TMEM131: variants seen among roughly 807,000 people sequenced by gnomAD.
The protein encoded by TMEM131 is transmembrane protein 131, also known as 2610524E03Rik.
In TMEM131, 66 loss-of-function variants were observed where a neutral mutation model predicts 211.6. The observed-to-expected ratio is 0.31, with a 90% confidence interval of 0.26 to 0.38. The LOEUF (loss-of-function observed/expected upper bound fraction) is 0.38, where lower values mean the gene tolerates loss of function less well. Ranked by LOEUF, TMEM131 falls within the 10% of genes least tolerant of loss-of-function variation. The probability of loss-of-function intolerance (pLI) is 1.00; values close to 1 mark genes in which losing one functional copy is unlikely to be tolerated. For missense variants in TMEM131, 2,036 were observed against 2,299.3 expected, an observed-to-expected ratio of 0.89 and a Z score of 2.34; for synonymous variants, 844 against 841.3, an observed-to-expected ratio of 1.00 and a Z score of -0.06.
chr2:97,943,939 G>A (rs1433331451), intron 1 of TMEM131, among the ~76,000 whole-genome samples: 1 of 151,994 alleles, frequency 6.6e-6, no homozygotes, highest in African/African-American at 2.4e-5. Context: ...AAAATTAGCT[G>A]GGCATGGTGG....
At chr2:97,871,682 A>T (rs1293038605) in intron 4 of TMEM131, among the ~76,000 whole-genome samples, 1 of 152,160 alleles carries the variant, frequency 6.6e-6, no homozygotes, top group Non-Finnish European at 1.5e-5. Context: ...ACCAATCAAC[A>T]TTCCTCATTC....
chr2:97,802,236 A>G (rs1346889606), intron 24 of TMEM131, among the ~76,000 whole-genome samples, 192 bp downstream of exon 24: 1 of 152,198 alleles, frequency 6.6e-6, no homozygotes, highest in Non-Finnish European at 1.5e-5. Context: ...CTTGCCTTAT[A>G]TTGAAAGTTT....
chr2:97,833,343 GA>G, intron 11 of TMEM131, 21 bp downstream of exon 11: 5 of 1,077,848 alleles, frequency 4.6e-6, no homozygotes, highest in East Asian at 2.6e-5. Context: ...TAAATTAGGG[GA>G]AAAAAGAAGT....
At chr2:97,907,750 T>C (rs1676132223) in intron 3 of TMEM131, among the ~76,000 whole-genome samples, 1 of 152,072 alleles carries the variant, frequency 6.6e-6, no homozygotes, top group African/African-American at 2.4e-5. Flanking sequence ...AATAACTGGG[T>C]TCTTAAATCC....
At chr2:97,987,933 T>C (rs549521636) in intron 1 of TMEM131, among the ~76,000 whole-genome samples, 1 of 152,018 alleles carries the variant, frequency 6.6e-6, no homozygotes, top group African/African-American at 2.4e-5. Context: ...AATCCCAAAA[T>C]CCCAAGGCAA....
chr2:97,963,808 C>T (rs1678924056), intron 1 of TMEM131, among the ~76,000 whole-genome samples: 1 of 152,144 alleles, frequency 6.6e-6, no homozygotes, highest in Non-Finnish European at 1.5e-5. Context: ...ATAATTTTAT[C>T]TTCACTTATA....
rs34694057 is a variant in TMEM131 at position 97,871,068 on chromosome 2, AT to A, written c.360-11642del. On this transcript the variant is annotated intron_variant, in intron 4 of 40. Coordinates refer to ENST00000186436, the MANE Select transcript of TMEM131 (RefSeq NM_015348.2). Reference sequence around the variant, plus strand: ...TTTAGCAATAGTCTATTCAACGTCCATTTTTTTTATAGCCATGAAGTACCTA... The same window carrying A: ...TTTAGCAATAGTCTATTCAACGTCCATTTTTTTATAGCCATGAAGTACCTA... 1.3e-4 allele frequency among the ~76,000 whole-genome samples: 20 copies of A among 152,156 alleles called. No homozygotes were observed. The South Asian group carries it at 1.5e-3, about 11-fold the overall frequency.
At chr2:97,777,840 GCCAAA>G (rs543348200) in intron 31 of TMEM131, among the ~76,000 whole-genome samples, 1 of 152,048 alleles carries the variant, frequency 6.6e-6, no homozygotes, top group East Asian at 1.9e-4. Flanking sequence ...GCCAAACCAA[GCCAAA>G]CCAAACCAAA....
At chr2:97,918,659 T>A (rs1431954619) in intron 2 of TMEM131, among the ~76,000 whole-genome samples, 1 of 152,062 alleles carries the variant, frequency 6.6e-6, no homozygotes, top group Non-Finnish European at 1.5e-5. Flanking sequence ...AAAGGAGACT[T>A]AGGAGACATA....
In TMEM131 at chr2:97,995,464, G is replaced by T; in HGVS notation, c.187+12C>A. ...CAGCCCCGCCGCAGGGACGCCGCCGGGGGACACCCACCTTCCTTCTCGGCC... is the reference window on the plus strand; with the variant it reads ...CAGCCCCGCCGCAGGGACGCCGCCGTGGGACACCCACCTTCCTTCTCGGCC... On this transcript the variant is annotated intron_variant, in intron 1 of 40. Transcript: ENST00000186436. The T allele has an allele frequency of 7.2e-7, 1 of 1,387,474 alleles. No homozygotes were observed. The highest frequency in any genetic ancestry group is 9.4e-7 in the Non-Finnish European group (1 of 1,065,702). The allele number at this position is 1,387,474 out of a possible 1,614,324, so 85.9% of individuals were successfully genotyped here.
In TMEM131 at chr2:97,859,340, T is replaced by G; in HGVS notation, c.447A>C (p.Thr149=). 2.5e-6 allele frequency: 4 copies of G among 1,602,680 alleles called. No individual in the cohort carries two copies. The highest frequency in any genetic ancestry group is 3.4e-6 in the Non-Finnish European group (4 of 1,176,756). The change falls in exon 5 of 41, where the codon ACA becomes ACC. Residue 149 remains threonine, a synonymous_variant. Transcript: ENST00000186436. ...AAAATGATGCATGAAAATGTGATGT[T>G]GTAGCAGATATTGATACTAAAGTAA... ...ETITLVSISA[T]TSHFHASFFQ...
At chr2:97,866,178 G>A (rs191605633) in intron 4 of TMEM131, among the ~76,000 whole-genome samples, 173 of 152,330 alleles carry the variant, frequency 1.1e-3, no homozygotes, top group Admixed American at 2.0e-3. Flanking sequence ...GCCGTGCCCA[G>A]CCACTTTCTG....
chr2:97,974,781 T>G (rs1483657344), intron 1 of TMEM131, among the ~76,000 whole-genome samples: 1 of 149,704 alleles, frequency 6.7e-6, no homozygotes, highest in Admixed American at 6.6e-5. Flanking sequence ...AAAGGCAAAA[T>G]GAAGACATTT....
intron 1 of TMEM131, among the ~76,000 whole-genome samples, chr2:97,963,522 C>A (rs769213917): frequency 6.6e-6 from 1 of 152,120 alleles, no homozygotes; most frequent in Non-Finnish European, 1.5e-5. Flanking sequence ...TGTGACCAGC[C>A]TGGCCAACAT....
chr2:97,778,749 G>A (rs1402150680), intron 31 of TMEM131, among the ~76,000 whole-genome samples: 1 of 152,112 alleles, frequency 6.6e-6, no homozygotes, highest in African/African-American at 2.4e-5. Flanking sequence ...TGACCTTCCC[G>A]TTCCACTGGA....
At chr2:97,802,315 A>G in intron 24 of TMEM131, 113 bp downstream of exon 24, 1 of 835,304 alleles carries the variant, frequency 1.2e-6, no homozygotes, top group Non-Finnish European at 1.8e-6. Flanking sequence ...TAGATCCAGA[A>G]CTTCTCGTCA....
intron 4 of TMEM131, among the ~76,000 whole-genome samples, chr2:97,871,025 A>G (rs574367242): frequency 6.6e-6 from 1 of 152,338 alleles, no homozygotes; most frequent in East Asian, 1.9e-4. Flanking sequence ...ATTTATCTTG[A>G]CAATAAAGAC....
intron 5 of TMEM131, among the ~76,000 whole-genome samples, chr2:97,853,294 T>C (rs1426530661): frequency 6.6e-6 from 1 of 152,132 alleles, no homozygotes; most frequent in East Asian, 1.9e-4. Context: ...CCATTCTAAA[T>C]GCCATTAAGA....
At chr2:97,985,459 T>C (rs116492410) in intron 1 of TMEM131, among the ~76,000 whole-genome samples, 6,209 of 152,138 alleles carry the variant, frequency 0.041, 225 homozygotes, top group African/African-American at 0.094. Flanking sequence ...CGTTTTAATG[T>C]AATTGTAACC....
Sources: gnomAD v4.1 joint callset for allele counts (sites outside exome capture counted in the v4.1 genomes callset) on GRCh38, gnomAD v4.1.1 for gene constraint, MANE v1.5 for transcripts, NCBI Gene and HGNC (gene_info 2026-07-23, HGNC 2026-07-21) for gene names.